Variants in TLE3 observed in about 807,000 individuals in gnomAD.
TLE3 encodes transducin-like enhancer protein 3.
TLE3 carries 14 observed loss-of-function variants against 93.0 expected under a neutral mutation model. The observed-to-expected ratio is 0.15, with a 90% CI of 0.10 to 0.24. The LOEUF (loss-of-function observed/expected upper bound fraction) is 0.24. Ranked by LOEUF, TLE3 falls within the 10% of genes least tolerant of loss-of-function variation. TLE3 has a pLI of 1.00. For missense variants in TLE3, 693 were observed against 1,046.6 expected (o/e 0.66, Z 4.66); for synonymous variants, 451 against 425.0 (o/e 1.06, Z -0.75).
At chr15:70,066,486 C>A in intron 6 of TLE3, 1 of 399,520 alleles carries the variant, frequency 2.5e-6, no homozygotes, top group Non-Finnish European at 4.4e-6. Context: ...CAAATAATTT[C>A]TCAATGTTTG....
chr15:70,056,163 A>T, intron 14 of TLE3, 135 bp downstream of exon 14: 2 of 977,414 alleles, frequency 2.0e-6, no homozygotes, highest in Non-Finnish European at 3.2e-6. Flanking sequence ...CTCTAGAGGG[A>T]CAGATACCTT....
intron 8 of TLE3, among the ~76,000 whole-genome samples, chr15:70,063,875 GA>G (rs2141608025): frequency 6.6e-6 from 1 of 152,338 alleles, no homozygotes; most frequent in African/African-American, 2.4e-5. Flanking sequence ...AGAGCAGGGA[GA>G]AACTGCAGGC....
chr15:70,060,725 T>C (rs376436853), intron 8 of TLE3, 76 bp from the exon 9 acceptor site: 1 of 1,587,728 alleles, frequency 6.3e-7, no homozygotes, highest in Non-Finnish European at 8.6e-7. Flanking sequence ...CACAGCTAAG[T>C]GCAGGTGACA....
intron 4 of TLE3, among the ~76,000 whole-genome samples, chr15:70,086,994 A>G (rs1567048171): frequency 6.6e-6 from 1 of 152,200 alleles, no homozygotes; most frequent in Non-Finnish European, 1.5e-5. Flanking sequence ...TTCTACAAAC[A>G]CAACGTTTGC....
chr15:70,056,921 G>A (rs1050330283), intron 13 of TLE3, among the ~76,000 whole-genome samples: 1 of 152,020 alleles, frequency 6.6e-6, no homozygotes, highest in Non-Finnish European at 1.5e-5. Flanking sequence ...GCTAATTTTT[G>A]TATTTTTAGT....
chr15:70,081,867 C>T (rs1283122283), intron 4 of TLE3, among the ~76,000 whole-genome samples: 1 of 152,218 alleles, frequency 6.6e-6, no homozygotes, highest in Admixed American at 6.5e-5. Context: ...ATTTTCATCC[C>T]AGCAGGCCTC....
intron 6 of TLE3, chr15:70,066,905 G>T (rs760794215): frequency 1.0e-5 from 4 of 388,104 alleles, no homozygotes; most frequent in Non-Finnish European, 2.1e-5. Flanking sequence ...CCTGGGGCAG[G>T]TTACTTCAAG....
chr15:70,055,204 G>T lies in TLE3; in HGVS notation c.1423C>A (p.Arg475=). The change falls in exon 15 of 20, where the codon CGG becomes AGG. Residue 475 remains arginine, a synonymous_variant. Coordinates refer to ENST00000451782, the MANE Select transcript of TLE3 (RefSeq NM_001105192.3). ...LAGPGIPRHA[R]QINTLSHGEV... ...CCGTGGCTGAGTGTGTTGATCTGCC[G>T]GGCGTGCCTCGGGATGCCGGGGCCT... The T allele has an allele frequency of 6.2e-7, 1 of 1,613,890 alleles. No individual in the cohort carries two copies. Among genetic ancestry groups the T allele is most frequent in the Non-Finnish European group, 8.5e-7 (1 of 1,179,954 alleles).
rs760264380 is a variant in TLE3, at chr15:70,057,621, G to A, written c.1089C>T (p.Ser363=). The A allele has an allele frequency of 6.3e-7, 1 of 1,588,200 alleles. No individual in the cohort carries two copies. Among genetic ancestry groups the A allele is most frequent in the Admixed American group, 1.8e-5 (1 of 56,320 alleles). ...TCATCATGGCGAAGGGCGCCGCATA[G>A]GAGCTGGTGATGGAGATGGGCGTGC... ...ALRTPISITS[S]YAAPFAMMSH... Residue 363 remains serine (S), a synonymous_variant, in exon 13 of 20, where the codon TCC becomes TCT. Coordinates refer to ENST00000451782, the MANE Select transcript of TLE3 (RefSeq NM_001105192.3).
rs1420907253 is a variant in TLE3 at position 70,096,890 on chromosome 15, G to T, written c.-92C>A. On this transcript the variant is annotated 5_prime_UTR_variant, in exon 1 of 20. Transcript: ENST00000451782. ...GAGGGGGGAGCCGAGCCCGAGCGGG[G>T]GGCGGCCGGGAAACCGAGAGCTCGC... is the stretch of plus-strand genomic sequence containing the variant. The T allele has an allele frequency of 6.9e-7, 1 of 1,441,868 alleles. No homozygotes were observed. Among genetic ancestry groups the T allele is most frequent in the Non-Finnish European group, 9.5e-7 (1 of 1,057,684 alleles). 89.3% of individuals were successfully genotyped at this position (1,441,868 alleles called of 1,614,324 possible).
chr15:70,078,184 G>A (rs1004893165), intron 4 of TLE3, among the ~76,000 whole-genome samples: 1 of 152,032 alleles, frequency 6.6e-6, no homozygotes, highest in Non-Finnish European at 1.5e-5. Context: ...TCCCAAACAG[G>A]GTCCTTCCTC....
chr15:70,094,429 A>G (rs2058452080), intron 4 of TLE3, 103 bp downstream of exon 4: 7 of 878,412 alleles, frequency 8.0e-6, no homozygotes, highest in Non-Finnish European at 1.1e-5. Flanking sequence ...AGGGGGAGGA[A>G]TCGAAGAAGC....
Position 70,074,583 on chromosome 15 carries a change from C to T in TLE3, c.322G>A (p.Val108Met), listed in dbSNP as rs1160322496. 2.5e-6 allele frequency: 4 copies of T among 1,611,970 alleles called. No individual in the cohort carries two copies. The highest frequency in any genetic ancestry group is 2.2e-5 in the East Asian group (1 of 44,832). Residue 108 changes from valine (V) to methionine (M), a missense_variant, in exon 6 of 20, where the codon GTG (valine) becomes ATG (methionine). By Grantham distance (21) the Val-to-Met change is conservative. Around this residue, in one of 4 missense-constraint regions of TLE3, gnomAD observed 104 missense variants for 173.8 expected, o/e 0.60. Coordinates refer to ENST00000451782, the MANE Select transcript of TLE3 (RefSeq NM_001105192.3). The stretch of plus-strand genomic sequence containing the variant: ...ATGGTGACCTGCTTGGCGCGCTCCA[C>T]TGCCTGCGCCACCTGCTGCTGGTGC... Reference protein sequence around the residue: ...QEHQQQVAQAVERAKQVTMTE... With the variant: ...QEHQQQVAQAMERAKQVTMTE...
intron 19 of TLE3, chr15:70,050,804 G>C (rs984535830): frequency 6.3e-6 from 1 of 157,640 alleles, no homozygotes; most frequent in Non-Finnish European, 1.4e-5. Context: ...GGGAGACCAA[G>C]TGTGCGTGAG....
At chr15:70,070,063 T>A (rs2057054731) in intron 6 of TLE3, among the ~76,000 whole-genome samples, 1 of 152,254 alleles carries the variant, frequency 6.6e-6, no homozygotes, top group South Asian at 2.1e-4. Context: ...CCTTCCAATA[T>A]GGGAACTCCT....
At chr15:70,063,854 A>G (rs1186875328) in intron 8 of TLE3, among the ~76,000 whole-genome samples, 4 of 152,200 alleles carry the variant, frequency 2.6e-5, no homozygotes, top group African/African-American at 9.7e-5. Context: ...TCTTAAATCG[A>G]GTGAAAGCCC....
At chr15:70,051,282 TG>T in intron 19 of TLE3, 108 bp downstream of exon 19, 1 of 1,159,140 alleles carries the variant, frequency 8.6e-7, no homozygotes, top group Non-Finnish European at 1.2e-6. Flanking sequence ...GGTCTGATCC[TG>T]GCTCCAGGCT....
At chr15:70,081,389 T>A (rs2057770489) in intron 4 of TLE3, among the ~76,000 whole-genome samples, 1 of 152,260 alleles carries the variant, frequency 6.6e-6, no homozygotes, top group South Asian at 2.1e-4. Flanking sequence ...GGCTGGTTGC[T>A]GGGCAGCTGG....
intron 2 of TLE3, 153 bp downstream of exon 2, chr15:70,096,008 G>C (rs2058539620): frequency 1.1e-6 from 1 of 945,172 alleles, no homozygotes; most frequent in Admixed American, 2.9e-5. Context: ...GGTTAAGGCG[G>C]CGCGCTCGGA....
Sources: gnomAD v4.1 joint callset for allele counts (sites outside exome capture counted in the v4.1 genomes callset) on GRCh38, gnomAD v4.1.1 for gene constraint, gnomAD v4.1.1 regional missense constraint, MANE v1.5 for transcripts, NCBI Gene and HGNC (gene_info 2026-07-23, HGNC 2026-07-21) for gene names.